Variants in DTNA observed in about 807,000 individuals in gnomAD.
DTNA encodes the protein dystrophin-related protein 3.
DTNA carries 43 observed loss-of-function variants against 100.7 expected under a neutral mutation model. The observed-to-expected ratio is 0.43, with a 90% CI of 0.33 to 0.55. The LOEUF (loss-of-function observed/expected upper bound fraction) is 0.55. Among genes scored for constraint, DTNA ranks in the 20% least tolerant of loss-of-function variants. DTNA has a pLI of 0.04. For missense variants in DTNA, 798 were observed against 953.9 expected (o/e 0.84, Z 2.15); for synonymous variants, 349 against 347.9 (o/e 1.00, Z -0.04).
chr18:34,546,748 TTTC>T (rs1402783810), intron 1 of DTNA, among the ~76,000 whole-genome samples: 1 of 150,842 alleles, frequency 6.6e-6, no homozygotes, highest in Non-Finnish European at 1.5e-5. Flanking sequence ...TGTAATTTTC[TTTC>T]TTTCTTTCTT....
At chr18:34,645,356 T>G (rs1199644678) in intron 1 of DTNA, among the ~76,000 whole-genome samples, 2 of 152,134 alleles carry the variant, frequency 1.3e-5, no homozygotes, top group East Asian at 3.8e-4. Flanking sequence ...TTGTATGGGT[T>G]TTTGAGCCTG....
chr18:34,623,272 G>A (rs1306118890), intron 1 of DTNA, among the ~76,000 whole-genome samples: 1 of 152,170 alleles, frequency 6.6e-6, no homozygotes, highest in African/African-American at 2.4e-5. Flanking sequence ...AGCAAGAAAA[G>A]ACAGACTTTA....
rs143149803 is a variant in DTNA, at chr18:34,874,187, G to C, written c.1744-1052G>C. Among the ~76,000 whole-genome samples, 9 of 152,272 alleles carry C rather than the reference G, an allele frequency of 5.9e-5. No homozygotes were observed. In the East Asian group the frequency reaches 1.5e-3, roughly 26 times the overall value. On this transcript the variant is annotated intron_variant, in intron 17 of 22. Coordinates refer to ENST00000444659, the MANE Select transcript of DTNA (RefSeq NM_001386795.1). ...TGGAATATTCCAGAGCATTGCTCTG[G>C]TGGTATACATCTAGGAGTTTGAATG...
rs779579352 is a variant in DTNA at position 34,794,124 on chromosome 18, C to G, written c.236C>G (p.Ser79Cys). 2 of 1,614,160 alleles carry G rather than the reference C, an allele frequency of 1.2e-6. No homozygotes were observed. Among genetic ancestry groups the G allele is most frequent in the Non-Finnish European group, 8.5e-7 (1 of 1,180,024 alleles). The change falls in exon 4 of 23, where the codon TCC (serine) becomes TGC (cysteine). Residue 79 changes from serine (S) to cysteine (C), a missense_variant. By Grantham distance (112) the Ser-to-Cys change is moderately radical (BLOSUM62 -1). Transcript: ENST00000444659. Reference protein sequence around the residue: ...NLDPNTELNVSRLEAVLSTIF... With the variant: ...NLDPNTELNVCRLEAVLSTIF... ...GACCCAAACACTGAACTCAACGTGT[C>G]CCGCTTAGAGGCTGTGCTCTCCACT...
chr18:34,640,718 T>C (rs926262420), intron 1 of DTNA, among the ~76,000 whole-genome samples: 1 of 152,206 alleles, frequency 6.6e-6, no homozygotes, highest in South Asian at 2.1e-4. Context: ...CCAGCTAAAT[T>C]GTTTGCTTCA....
At position 34,875,231 on chromosome 18, in the gene DTNA, C is replaced by T. The variant is rs1413622619; in HGVS notation, c.1744-8C>T. The T allele has an allele frequency of 3.1e-6, 5 of 1,613,300 alleles. No individual in the cohort carries two copies. The Admixed American group carries it at 5.0e-5, about 16-fold the overall frequency. On this transcript the variant is annotated splice_polypyrimidine_tract_variant and splice_region_variant and intron_variant, in intron 17 of 22. Transcript: ENST00000444659. ...AAAGCAAATTAATGACCTGCATTGT[C>T]TCTCCAGACTCAGGGGGCAGGCTCT...
chr18:34,580,599 T>C (rs2048521404), intron 1 of DTNA, among the ~76,000 whole-genome samples: 1 of 152,214 alleles, frequency 6.6e-6, no homozygotes, highest in Non-Finnish European at 1.5e-5. Flanking sequence ...AATTTATCTT[T>C]AGGAAGACTG....
intron 1 of DTNA, among the ~76,000 whole-genome samples, chr18:34,693,776 G>A (rs2145926739): frequency 6.6e-6 from 1 of 151,366 alleles, no homozygotes; most frequent in Admixed American, 6.6e-5. Context: ...GTGTGTGTGT[G>A]TGTGTGTGTA....
intron 1 of DTNA, among the ~76,000 whole-genome samples, chr18:34,673,243 GC>G (rs1374411429): frequency 6.6e-6 from 1 of 151,810 alleles, no homozygotes; most frequent in African/African-American, 2.4e-5. Context: ...ACACCACCAC[GC>G]CCAGCTATTT....
At chr18:34,808,488 C>T (rs1287290077) in intron 5 of DTNA, among the ~76,000 whole-genome samples, 1 of 152,216 alleles carries the variant, frequency 6.6e-6, no homozygotes, top group East Asian at 1.9e-4. Flanking sequence ...CTTTCACCTC[C>T]TGTGCTCAGA....
intron 1 of DTNA, among the ~76,000 whole-genome samples, chr18:34,556,576 A>T (rs1309965476): frequency 6.6e-6 from 1 of 151,858 alleles, no homozygotes; most frequent in African/African-American, 2.4e-5. Flanking sequence ...GTGGTGACAA[A>T]ATCTGTCAGC....
At chr18:34,601,183 C>G (rs2051737089) in intron 1 of DTNA, among the ~76,000 whole-genome samples, 1 of 152,116 alleles carries the variant, frequency 6.6e-6, no homozygotes, top group Non-Finnish European at 1.5e-5. Flanking sequence ...GCAGGGCTAC[C>G]CCATAGAGTG....
intron 20 of DTNA, among the ~76,000 whole-genome samples, chr18:34,881,104 C>T (rs149099808): frequency 1.8e-4 from 28 of 152,314 alleles, no homozygotes; most frequent in African/African-American, 6.0e-4. Context: ...TGGGCAGACC[C>T]ATTTAGCCTG....
At chr18:34,579,333 A>G (rs1008377123) in intron 1 of DTNA, among the ~76,000 whole-genome samples, 3 of 152,214 alleles carry the variant, frequency 2.0e-5, no homozygotes, top group African/African-American at 7.2e-5. Flanking sequence ...GTAGGTAGAC[A>G]GATGGTAATT....
Position 34,816,009 on chromosome 18 carries a change from A to G in DTNA, c.704A>G (p.Glu235Gly), listed in dbSNP as rs2149385487. Reference protein sequence around the residue: ...LPLLHRLANVENVFHPVECSY... With the variant: ...LPLLHRLANVGNVFHPVECSY... Reference sequence around the variant, plus strand: ...CTTCTGCATCGACTAGCAAATGTGGAAAATGGTGAGTAGTTACTAAGGAGC... The same window carrying G: ...CTTCTGCATCGACTAGCAAATGTGGGAAATGGTGAGTAGTTACTAAGGAGC... The change falls in exon 7 of 23, where the codon GAA becomes GGA. Residue 235 changes from glutamate to glycine, a missense_variant. Physicochemically the swap from Glu to Gly is moderately conservative, Grantham distance 98. Coordinates refer to ENST00000444659, the MANE Select transcript of DTNA (RefSeq NM_001386795.1). 1 of 1,613,380 alleles carries G rather than the reference A, an allele frequency of 6.2e-7. No individual in the cohort carries two copies. Among genetic ancestry groups the G allele is most frequent in the Non-Finnish European group, 8.5e-7 (1 of 1,179,338 alleles).
intron 1 of DTNA, among the ~76,000 whole-genome samples, chr18:34,522,418 A>G (rs1180840969): frequency 1.3e-5 from 2 of 152,164 alleles, no homozygotes; most frequent in Admixed American, 1.3e-4. Flanking sequence ...AGATAGGGAA[A>G]TGTACTTTTA....
At chr18:34,622,599 C>T (rs553380610) in intron 1 of DTNA, among the ~76,000 whole-genome samples, 45 of 152,198 alleles carry the variant, frequency 3.0e-4, no homozygotes, top group Non-Finnish European at 4.7e-4. Context: ...GGGCAGGTTC[C>T]GTGCAATCTG....
chr18:34,879,545 T>C lies in DTNA; in HGVS notation c.1994-6T>C, dbSNP rs1452993908. The C allele has an allele frequency of 1.2e-6, 2 of 1,614,080 alleles. No individual in the cohort carries two copies. Among genetic ancestry groups the C allele is most frequent in the Non-Finnish European group, 1.7e-6 (2 of 1,179,962 alleles). On this transcript the variant is annotated splice_region_variant and splice_polypyrimidine_tract_variant and intron_variant, in intron 19 of 22. Transcript: ENST00000444659. The stretch of plus-strand genomic sequence containing the variant: ...CATTCTTTATTTCTTCAATTGTATC[T>C]GCTAGAGGTTGGGAGTGAAACAGAG...
chr18:34,884,934 A>G (rs2096908055), intron 22 of DTNA, among the ~76,000 whole-genome samples, 158 bp downstream of exon 22: 1 of 152,184 alleles, frequency 6.6e-6, no homozygotes, highest in African/African-American at 2.4e-5. Flanking sequence ...CAGTCTGTGG[A>G]GGGTTTCATT....
Sources: allele counts gnomAD v4.1 joint callset (sites outside exome capture counted in the v4.1 genomes callset), GRCh38; gene constraint gnomAD v4.1.1; transcripts MANE v1.5; gene names NCBI Gene and HGNC (gene_info 2026-07-23, HGNC 2026-07-21).